Variants in PTPRD observed in about 807,000 individuals in gnomAD.
PTPRD encodes protein tyrosine phosphatase receptor type D.
In PTPRD, 34 loss-of-function variants were observed where a neutral mutation model predicts 214.5. The observed-to-expected ratio is 0.16, with a 90% CI of 0.12 to 0.21. The LOEUF is 0.21. Among genes scored for constraint, PTPRD ranks in the 10% least tolerant of loss-of-function variants. The probability of loss-of-function intolerance (pLI) is 1.00; values close to 1 mark genes in which losing one functional copy is unlikely to be tolerated. For synonymous variants in PTPRD, 1,128 were observed against 845.7 expected (o/e 1.33, Z -5.79); for missense variants, 2,545 against 2,398.7 (o/e 1.06, Z -1.27).
chr9:10,209,815 A>C (rs2099507120), intron 3 of PTPRD, among the ~76,000 whole-genome samples: 1 of 152,152 alleles, frequency 6.6e-6, no homozygotes, highest in Non-Finnish European at 1.5e-5. Context: ...TTTCTACATC[A>C]AAAAAGGGAA....
In PTPRD at chr9:9,544,376, A is replaced by G. The variant is rs531675905; in HGVS notation, c.-237+30356T>C. ...AAGGTTCCCAAAATAATTACTTTGT[A>G]TAAATATTTTAAGTCCGACTTCATT... On this transcript the variant is annotated intron_variant, in intron 8 of 45. Transcript: ENST00000381196. Among the ~76,000 whole-genome samples the G allele has an allele frequency of 7.9e-5, 12 of 151,836 alleles. No individual in the cohort carries two copies. In the South Asian group the frequency reaches 2.1e-3, roughly 26 times the overall value.
At chr9:9,643,287 C>A (rs1049162001) in intron 7 of PTPRD, among the ~76,000 whole-genome samples, 1 of 152,048 alleles carries the variant, frequency 6.6e-6, no homozygotes, top group South Asian at 2.1e-4. Context: ...CAAACTGCAA[C>A]ATGTAAAAAG....
At chr9:9,201,768 A>T (rs2099941977) in intron 9 of PTPRD, among the ~76,000 whole-genome samples, 1 of 152,208 alleles carries the variant, frequency 6.6e-6, no homozygotes, top group African/African-American at 2.4e-5. Flanking sequence ...TAAACTGATT[A>T]TTTGGGATGA....
chr9:8,332,022 T>C (rs542687691), intron 43 of PTPRD, among the ~76,000 whole-genome samples: 1 of 152,242 alleles, frequency 6.6e-6, no homozygotes, highest in Non-Finnish European at 1.5e-5. Context: ...ATCCACATAG[T>C]TCCCCCATTA....
rs529786961 is a variant in PTPRD, at chr9:10,044,794, C to A, written c.-544-11004G>T. On this transcript the variant is annotated intron_variant, in intron 3 of 45. Coordinates refer to ENST00000381196, the MANE Select transcript of PTPRD (RefSeq NM_002839.4). ...ACACAGCAGCACAAACCTTCAGAAG[C>A]TATGGGATAGATTTTGCAACTTCAT... 1.3e-4 allele frequency among the ~76,000 whole-genome samples: 19 copies of A among 151,674 alleles called. No individual in the cohort carries two copies. The East Asian group carries it at 3.5e-3, about 28-fold the overall frequency.
At chr9:10,375,246 T>C (rs1298457698) in intron 2 of PTPRD, among the ~76,000 whole-genome samples, 1 of 152,066 alleles carries the variant, frequency 6.6e-6, no homozygotes, top group Non-Finnish European at 1.5e-5. Context: ...ACCAAGGTGA[T>C]TTGTATGCTT....
intron 12 of PTPRD, among the ~76,000 whole-genome samples, chr9:8,704,248 A>T (rs1011841169): frequency 6.7e-6 from 1 of 150,172 alleles, no homozygotes. Context: ...CCCCCCTCCC[A>T]CTCCATCCTC....
intron 3 of PTPRD, among the ~76,000 whole-genome samples, chr9:10,089,604 C>T (rs904447650): frequency 6.6e-6 from 1 of 151,452 alleles, no homozygotes; most frequent in African/African-American, 2.4e-5. Context: ...ATTAAGTATA[C>T]CTGCATATTG....
chr9:9,275,431 A>T (rs964529322), intron 9 of PTPRD, among the ~76,000 whole-genome samples: 2 of 150,236 alleles, frequency 1.3e-5, no homozygotes, highest in Non-Finnish European at 3.0e-5. Flanking sequence ...AGGGGCTGTG[A>T]GATTGAAAAT....
chr9:8,465,373 G>A (rs1591264512), intron 32 of PTPRD, 93 bp downstream of exon 32: 1 of 1,130,656 alleles, frequency 8.8e-7, no homozygotes, highest in African/African-American at 1.5e-5. Flanking sequence ...GAAATAATGA[G>A]GATGGATATA....
Position 10,237,398 on chromosome 9 carries a change from A to T in PTPRD, c.-545+103565T>A, listed in dbSNP as rs186599848. 1.8e-4 allele frequency among the ~76,000 whole-genome samples: 27 copies of T among 152,014 alleles called. No individual in the cohort carries two copies. The East Asian group carries it at 4.5e-3, about 25-fold the overall frequency. ...TAAGTGTGCATTTTTCAAGTCTGGT[A>T]GTTCTTCATTAACCCTAGGGAAGTT... On this transcript the variant is annotated intron_variant, in intron 3 of 45. Coordinates refer to ENST00000381196, the MANE Select transcript of PTPRD (RefSeq NM_002839.4).
chr9:9,302,265 C>T (rs1158667193), intron 9 of PTPRD, among the ~76,000 whole-genome samples: 1 of 151,830 alleles, frequency 6.6e-6, no homozygotes, highest in African/African-American at 2.4e-5. Flanking sequence ...CAGGAATTAT[C>T]TTCTATGTCC....
intron 11 of PTPRD, among the ~76,000 whole-genome samples, chr9:8,934,510 T>C (rs1482079476): frequency 2.4e-5 from 1 of 42,378 alleles, no homozygotes; most frequent in Non-Finnish European, 4.0e-5. Context: ...TATATAAATA[T>C]ATATATATAA....
chr9:9,558,299 A>G (rs1197821555), intron 8 of PTPRD, among the ~76,000 whole-genome samples: 2 of 152,200 alleles, frequency 1.3e-5, no homozygotes, highest in Non-Finnish European at 2.9e-5. Context: ...CATGGTTGTG[A>G]TAACAAGTGG....
At chr9:10,401,159 T>A (rs1015304458) in intron 2 of PTPRD, among the ~76,000 whole-genome samples, 11 of 151,750 alleles carry the variant, frequency 7.2e-5, no homozygotes, top group South Asian at 2.1e-4. Flanking sequence ...AAAGTTTCTC[T>A]CTAAAAATGA....
At chr9:9,769,550 T>A (rs1202301453) in intron 5 of PTPRD, among the ~76,000 whole-genome samples, 1 of 151,862 alleles carries the variant, frequency 6.6e-6, no homozygotes, top group African/African-American at 2.4e-5. Flanking sequence ...ATGGGCTCGA[T>A]CTCCTGACCT....
chr9:9,806,716 C>G (rs751494922), intron 5 of PTPRD, among the ~76,000 whole-genome samples: 24 of 152,124 alleles, frequency 1.6e-4, no homozygotes, highest in Admixed American at 3.3e-4. Flanking sequence ...ACAGACATGC[C>G]TAACAGTGAT....
chr9:9,157,115 G>A (rs2099881888), intron 10 of PTPRD, among the ~76,000 whole-genome samples: 1 of 152,122 alleles, frequency 6.6e-6, no homozygotes, highest in African/African-American at 2.4e-5. Flanking sequence ...GAAAACTTAA[G>A]GAATGTAGCA....
intron 8 of PTPRD, among the ~76,000 whole-genome samples, chr9:9,438,297 A>G (rs1252964734): frequency 2.6e-5 from 4 of 152,218 alleles, no homozygotes; most frequent in Non-Finnish European, 5.9e-5. Context: ...TATTCATTTA[A>G]CAAATATTTT....
Sources: allele counts gnomAD v4.1 joint callset (sites outside exome capture counted in the v4.1 genomes callset), GRCh38; gene constraint gnomAD v4.1.1; transcripts MANE v1.5; gene names NCBI Gene and HGNC (gene_info 2026-07-23, HGNC 2026-07-21).